The following ITFG1 variants were observed in gnomAD, a reference collection of about 807,000 sequenced individuals.
ITFG1 encodes the protein T-cell immunomodulatory protein.
In ITFG1, 34 loss-of-function variants were observed where a neutral mutation model predicts 81.8. That is an observed-to-expected ratio of 0.42 (90% CI 0.32 to 0.55). The LOEUF is 0.55. Ranked by LOEUF, ITFG1 falls within the 20% of genes least tolerant of loss-of-function variation. The probability of loss-of-function intolerance (pLI) is 0.17; values close to 1 mark genes in which losing one functional copy is unlikely to be tolerated. For missense variants in ITFG1, 672 were observed against 755.4 expected, an observed-to-expected ratio of 0.89 and a Z score of 1.29; for synonymous variants, 285 against 270.6, an observed-to-expected ratio of 1.05 and a Z score of -0.52.
At chr16:47,443,086 A>G (rs1470986804) in intron 5 of ITFG1, among the ~76,000 whole-genome samples, 1 of 152,238 alleles carries the variant, frequency 6.6e-6, no homozygotes, top group Admixed American at 6.5e-5. Flanking sequence ...AAGTGGGCAA[A>G]GGGCATGAAC....
intron 10 of ITFG1, among the ~76,000 whole-genome samples, chr16:47,276,962 A>G (rs754553904): frequency 4.6e-5 from 7 of 152,226 alleles, no homozygotes; most frequent in Admixed American, 6.5e-5. Context: ...ATAGATCATT[A>G]TTACCTAAAT....
At chr16:47,446,079 ATG>A (rs1969321362) in intron 5 of ITFG1, among the ~76,000 whole-genome samples, 1 of 152,196 alleles carries the variant, frequency 6.6e-6, no homozygotes, top group Non-Finnish European at 1.5e-5. Flanking sequence ...GAGGCAACTG[ATG>A]TTAAGTGCCA....
intron 10 of ITFG1, among the ~76,000 whole-genome samples, chr16:47,293,557 AG>A (rs1354660871): frequency 6.6e-6 from 1 of 152,032 alleles, no homozygotes; most frequent in Non-Finnish European, 1.5e-5. Flanking sequence ...TGATTGGTGT[AG>A]GATGATGTCT....
chr16:47,429,627 G>A lies in ITFG1; in HGVS notation c.561-729C>T, dbSNP rs1969068070. On this transcript the variant is annotated intron_variant, in intron 5 of 17. Transcript: ENST00000320640. ...TTTTATTACAGCTATCCTAGAGGGT[G>A]TGATACAGTATTTCACTGTGGTTTG... Among the ~76,000 whole-genome samples, 6 of 152,162 alleles carry A rather than the reference G, an allele frequency of 3.9e-5. No individual in the cohort carries two copies. In the South Asian group the frequency reaches 1.2e-3, roughly 32 times the overall value.
At chr16:47,308,288 A>T (rs1461342130) in intron 10 of ITFG1, among the ~76,000 whole-genome samples, 3 of 152,224 alleles carry the variant, frequency 2.0e-5, no homozygotes, top group African/African-American at 7.2e-5. Flanking sequence ...TTTTATCTGC[A>T]GCCTCACCGG....
chr16:47,164,849 C>T (rs1406860006), intron 14 of ITFG1, among the ~76,000 whole-genome samples: 1 of 152,232 alleles, frequency 6.6e-6, no homozygotes, highest in Non-Finnish European at 1.5e-5. Flanking sequence ...TGTGAAGCCG[C>T]TGGCTTTCCA....
intron 8 of ITFG1, among the ~76,000 whole-genome samples, chr16:47,327,374 A>G (rs1473491920): frequency 6.6e-6 from 1 of 152,218 alleles, no homozygotes; most frequent in Non-Finnish European, 1.5e-5. Context: ...TAAAAACCCT[A>G]GAAGAAAACC....
chr16:47,185,269 C>T (rs1449581869), intron 14 of ITFG1, among the ~76,000 whole-genome samples: 2 of 152,146 alleles, frequency 1.3e-5, no homozygotes, highest in Admixed American at 6.5e-5. Context: ...AGCTCTGCAC[C>T]AAGCGGACCT....
At chr16:47,219,377 A>G (rs915492745) in intron 13 of ITFG1, among the ~76,000 whole-genome samples, 10 of 152,178 alleles carry the variant, frequency 6.6e-5, no homozygotes, top group African/African-American at 2.4e-4. Flanking sequence ...GATTAGTTCC[A>G]CCACATTTAA....
chr16:47,458,955 C>T, intron 2 of ITFG1, 148 bp downstream of exon 2: 21 of 533,238 alleles, frequency 3.9e-5, no homozygotes, highest in South Asian at 8.7e-5. Context: ...ACTATTTTTC[C>T]AAAAAATCAC....
chr16:47,391,243 G>A (rs1286825259), intron 6 of ITFG1, among the ~76,000 whole-genome samples: 1 of 152,028 alleles, frequency 6.6e-6, no homozygotes, highest in Non-Finnish European at 1.5e-5. Flanking sequence ...ACTATACAAG[G>A]CACTTATACA....
At chr16:47,293,490 T>A (rs928573838) in intron 10 of ITFG1, among the ~76,000 whole-genome samples, 1 of 152,078 alleles carries the variant, frequency 6.6e-6, no homozygotes, top group Non-Finnish European at 1.5e-5. Context: ...AAGAGTTCCC[T>A]TAATTCTGTA....
chr16:47,158,820 T>G, intron 17 of ITFG1, 53 bp downstream of exon 17: 1 of 859,002 alleles, frequency 1.2e-6, no homozygotes, highest in Non-Finnish European at 1.9e-6. Flanking sequence ...GAGCAATGTA[T>G]GTATTACTAG....
intron 7 of ITFG1, among the ~76,000 whole-genome samples, chr16:47,372,601 G>A (rs1261851647): frequency 6.6e-6 from 1 of 151,870 alleles, no homozygotes; most frequent in Non-Finnish European, 1.5e-5. Flanking sequence ...CTACAGGCAT[G>A]TGCCACCACA....
intron 5 of ITFG1, among the ~76,000 whole-genome samples, chr16:47,446,150 CTT>C (rs1969322193): frequency 6.6e-6 from 1 of 152,186 alleles, no homozygotes; most frequent in African/African-American, 2.4e-5. Context: ...TTGAGATACT[CTT>C]TGTTCTCTTA....
chr16:47,278,855 A>C (rs1966424097), intron 10 of ITFG1, among the ~76,000 whole-genome samples: 1 of 152,188 alleles, frequency 6.6e-6, no homozygotes, highest in South Asian at 2.1e-4. Context: ...AGCTATGTAC[A>C]ATTTATGATA....
chr16:47,394,919 G>C (rs1006663610), intron 6 of ITFG1, among the ~76,000 whole-genome samples: 1 of 152,040 alleles, frequency 6.6e-6, no homozygotes, highest in African/African-American at 2.4e-5. Context: ...AGTTCTGTTG[G>C]TATTGGGAGA....
chr16:47,223,987 G>T (rs1457739717), intron 13 of ITFG1, among the ~76,000 whole-genome samples: 22 of 149,332 alleles, frequency 1.5e-4, no homozygotes, highest in South Asian at 2.1e-4. Flanking sequence ...ACACCGCATA[G>T]TCTCACTCAT....
At position 47,298,598 on chromosome 16, in the gene ITFG1, G is replaced by A. The variant is rs1967021647; in HGVS notation, c.1070+12642C>T. Among the ~76,000 whole-genome samples the A allele has an allele frequency of 2.0e-5, 3 of 152,114 alleles. No individual in the cohort carries two copies. In the South Asian group the frequency reaches 6.2e-4, roughly 32 times the overall value. Reference sequence around the variant, plus strand: ...TAGTTAAAAATAGCTTTAATGTGGTGGCTTTATAAAATGGCAGTTGTAGTA... The same window carrying A: ...TAGTTAAAAATAGCTTTAATGTGGTAGCTTTATAAAATGGCAGTTGTAGTA... On this transcript the variant is annotated intron_variant, in intron 10 of 17. Coordinates refer to ENST00000320640, the MANE Select transcript of ITFG1 (RefSeq NM_030790.5).
Sources: gnomAD v4.1 joint callset for allele counts (sites outside exome capture counted in the v4.1 genomes callset) on GRCh38, gnomAD v4.1.1 for gene constraint, MANE v1.5 for transcripts, NCBI Gene and HGNC (gene_info 2026-07-23, HGNC 2026-07-21) for gene names.